EYS: variants seen among roughly 807,000 people sequenced by gnomAD.
EYS encodes the protein EGF-like photoreceptor maintenance factor.
EYS carries 250 observed loss-of-function variants against 282.1 expected under a neutral mutation model. The ratio of observed to expected loss-of-function variants is 0.89; its 90% CI spans 0.80 to 0.98. The LOEUF (loss-of-function observed/expected upper bound fraction) is 0.98, where lower values mean the gene tolerates loss of function less well. Among genes scored for constraint, EYS ranks in the 50% least tolerant of loss-of-function variants. The pLI, the probability that EYS is intolerant of heterozygous loss-of-function variation, is 0.00. For synonymous variants in EYS, 1,355 were observed against 1,282.9 expected, an observed-to-expected ratio of 1.06 and a Z score of -1.20; for missense variants, 4,016 against 3,709.0, an observed-to-expected ratio of 1.08 and a Z score of -2.15.
chr6:64,796,187 G>T (rs879146731), intron 22 of EYS, among the ~76,000 whole-genome samples: 1 of 152,142 alleles, frequency 6.6e-6, no homozygotes, highest in Admixed American at 6.5e-5. Context: ...ATTCATGTTT[G>T]CCCAATCATA....
intron 15 of EYS, among the ~76,000 whole-genome samples, chr6:64,937,902 C>A (rs925573333): frequency 9.2e-5 from 14 of 151,432 alleles, no homozygotes; most frequent in African/African-American, 3.1e-4. Context: ...GAAAAATAAA[C>A]AAATTTGCTG....
chr6:65,150,966 T>C (rs1430177069), intron 12 of EYS, among the ~76,000 whole-genome samples: 1 of 152,112 alleles, frequency 6.6e-6, no homozygotes, highest in Non-Finnish European at 1.5e-5. Flanking sequence ...CTCTGAACTT[T>C]TTCCTAAGTG....
intron 2 of EYS, among the ~76,000 whole-genome samples, chr6:65,538,540 C>T (rs1365940323): frequency 1.3e-5 from 2 of 151,984 alleles, no homozygotes; most frequent in African/African-American, 2.4e-5. Context: ...GTTCACCTTC[C>T]TAACAAATAA....
At chr6:64,582,178 G>T (rs1766091160) in intron 26 of EYS, among the ~76,000 whole-genome samples, 1 of 152,060 alleles carries the variant, frequency 6.6e-6, no homozygotes, top group Non-Finnish European at 1.5e-5. Context: ...TAAACCAGTG[G>T]TCTCCAACCC....
intron 33 of EYS, among the ~76,000 whole-genome samples, chr6:64,024,123 G>A (rs565209871): frequency 1.1e-4 from 17 of 152,354 alleles, no homozygotes; most frequent in South Asian, 2.1e-4. Context: ...GAGTGCAGGC[G>A]CAGGGCGCAG....
chr6:64,599,021 T>A (rs1047944491), intron 24 of EYS, among the ~76,000 whole-genome samples: 2 of 152,102 alleles, frequency 1.3e-5, no homozygotes, highest in African/African-American at 4.8e-5. Flanking sequence ...AAAAGCAAGA[T>A]GGACAGTTAA....
At chr6:64,243,015 TTTA>T (rs1310998008) in intron 30 of EYS, among the ~76,000 whole-genome samples, 3 of 142,808 alleles carry the variant, frequency 2.1e-5, no homozygotes, top group African/African-American at 7.4e-5. Context: ...TTTATATATA[TTTA>T]TTAAGTATAA....
chr6:64,518,973 G>A (rs566100204), intron 26 of EYS, among the ~76,000 whole-genome samples: 41 of 151,824 alleles, frequency 2.7e-4, no homozygotes, highest in Non-Finnish European at 5.6e-4. Flanking sequence ...GTGTGAGAAC[G>A]GACTACTACA....
chr6:65,177,591 T>A (rs1215966006), intron 12 of EYS, among the ~76,000 whole-genome samples: 1 of 151,838 alleles, frequency 6.6e-6, no homozygotes, highest in Non-Finnish European at 1.5e-5. Flanking sequence ...TCAGTATCTG[T>A]GTATGTGCAT....
intron 14 of EYS, among the ~76,000 whole-genome samples, chr6:64,985,882 G>A (rs1264446540): frequency 6.6e-6 from 1 of 151,380 alleles, no homozygotes; most frequent in Non-Finnish European, 1.5e-5. Context: ...CAGCTCTTTA[G>A]ATATATGCCT....
At position 64,307,072 on chromosome 6, in the gene EYS, G is replaced by T. The variant is rs1418822549; in HGVS notation, c.6089C>A (p.Pro2030Gln). The change falls in exon 30 of 43, where the codon CCA becomes CAA. Residue 2030 changes from proline to glutamine, a missense_variant. By Grantham distance (76) the Pro-to-Gln change is moderately conservative. Coordinates refer to ENST00000503581, the MANE Select transcript of EYS (RefSeq NM_001142800.2). The stretch of plus-strand genomic sequence containing the variant: ...TATGCAGCCAGTAAAATTCTTGACT[G>T]GTACAGGCATCTGAGAGAGAGAGAG... ...DLHGKIQMPV[P>Q]VKNFTGCIEV... 1 of 1,429,276 alleles carries T rather than the reference G, an allele frequency of 7.0e-7. No homozygotes were observed. The allele number at this position is 1,429,276 out of a possible 1,614,324, so 88.5% of individuals were successfully genotyped here.
intron 1 of EYS, among the ~76,000 whole-genome samples, chr6:65,679,927 T>G (rs937776141): frequency 2.0e-5 from 3 of 151,932 alleles, no homozygotes; most frequent in Admixed American, 6.6e-5. Flanking sequence ...CTCTGGTATC[T>G]AAGAACATCT....
At chr6:64,941,579 A>C (rs12176534) in intron 15 of EYS, among the ~76,000 whole-genome samples, 1 of 152,038 alleles carries the variant, frequency 6.6e-6, no homozygotes, top group Non-Finnish European at 1.5e-5. Context: ...ATAGTATCCA[A>C]CAGTCAGTTT....
chr6:64,037,446 C>T (rs1470916010), intron 33 of EYS, among the ~76,000 whole-genome samples: 1 of 152,136 alleles, frequency 6.6e-6, no homozygotes, highest in Non-Finnish European at 1.5e-5. Flanking sequence ...GTTTGCATCA[C>T]AAAATGTGCA....
In EYS at chr6:64,235,909, T is replaced by A. The variant is rs186243524; in HGVS notation, c.6192-5085A>T. Among the ~76,000 whole-genome samples, 392 of 152,328 alleles carry A rather than the reference T, an allele frequency of 2.6e-3. 4 individuals are homozygous for A. Among genetic ancestry groups the A allele is most frequent in the African/African-American group, 8.8e-3 (365 of 41,586 alleles). On this transcript the variant is annotated intron_variant, in intron 30 of 42. Transcript: ENST00000503581. ...TACCAGAGGTACAAGGAGGAACTGGTACCATTCCTTCTGAAACTATTCCCA... is the reference window on the plus strand; with the variant it reads ...TACCAGAGGTACAAGGAGGAACTGGAACCATTCCTTCTGAAACTATTCCCA...
At chr6:65,627,634 G>A (rs947693476) in intron 2 of EYS, among the ~76,000 whole-genome samples, 2 of 152,136 alleles carry the variant, frequency 1.3e-5, no homozygotes, top group East Asian at 1.9e-4. Context: ...CCCCACACTC[G>A]GAACAGCTGG....
intron 30 of EYS, among the ~76,000 whole-genome samples, chr6:64,258,765 C>T (rs561225852): frequency 2.7e-5 from 4 of 150,620 alleles, no homozygotes; most frequent in East Asian, 2.0e-4. Flanking sequence ...TTCCTATTTA[C>T]GAGTGTGAGA....
At chr6:65,043,375 T>C (rs1772997261) in intron 13 of EYS, among the ~76,000 whole-genome samples, 1 of 151,522 alleles carries the variant, frequency 6.6e-6, no homozygotes, top group Non-Finnish European at 1.5e-5. Flanking sequence ...TACTGGTATA[T>C]TATTTTTATA....
intron 34 of EYS, among the ~76,000 whole-genome samples, chr6:63,995,540 C>A (rs1193446857): frequency 6.6e-6 from 1 of 151,912 alleles, no homozygotes; most frequent in Admixed American, 6.6e-5. Context: ...TCTAGCAATA[C>A]CACTTCTGGG....
Sources: allele counts gnomAD v4.1 joint callset (sites outside exome capture counted in the v4.1 genomes callset), GRCh38; gene constraint gnomAD v4.1.1; transcripts MANE v1.5; gene names NCBI Gene and HGNC (gene_info 2026-07-23, HGNC 2026-07-21).